CEP170: variants seen among roughly 807,000 people sequenced by gnomAD.
CEP170 encodes centrosomal protein of 170 kDa.
CEP170 carries 21 observed loss-of-function variants against 151.9 expected under a neutral mutation model. The observed-to-expected ratio is 0.14, with a 90% confidence interval of 0.10 to 0.20. CEP170 has a LOEUF of 0.20. Among genes scored for constraint, CEP170 ranks in the 10% least tolerant of loss-of-function variants. CEP170 has a pLI of 1.00. For synonymous variants in CEP170, 356 were observed against 648.8 expected (o/e 0.55, Z 6.86); for missense variants, 964 against 1,892.9 (o/e 0.51, Z 9.11).
At chr1:243,247,331 G>C (rs1340930589) in intron 1 of CEP170, among the ~76,000 whole-genome samples, 1 of 152,100 alleles carries the variant, frequency 6.6e-6, no homozygotes, top group Non-Finnish European at 1.5e-5. Context: ...GGGAAAAAAA[G>C]CTATTATCTC....
At chr1:243,130,008 G>A (rs1306703571) in intron 17 of CEP170, among the ~76,000 whole-genome samples, 1 of 152,110 alleles carries the variant, frequency 6.6e-6, no homozygotes, top group Non-Finnish European at 1.5e-5. Flanking sequence ...GCATGTATGT[G>A]TAGGAAAATA....
At chr1:243,154,605 T>G (rs2148447594) in intron 14 of CEP170, among the ~76,000 whole-genome samples, 1 of 152,364 alleles carries the variant, frequency 6.6e-6, no homozygotes, top group East Asian at 1.9e-4. Context: ...AGCATAGTGC[T>G]ACTGACAAAC....
At chr1:243,227,476 A>G (rs1022444965) in intron 1 of CEP170, among the ~76,000 whole-genome samples, 2 of 152,248 alleles carry the variant, frequency 1.3e-5, no homozygotes, top group Admixed American at 6.5e-5. Context: ...GGTATACAGC[A>G]TAAGTGCTCT....
chr1:243,230,318 A>G (rs1270683320), intron 1 of CEP170, among the ~76,000 whole-genome samples: 1 of 151,878 alleles, frequency 6.6e-6, no homozygotes, highest in East Asian at 1.9e-4. Context: ...ATGAATAAAT[A>G]AAAATAAGAT....
chr1:243,255,633 T>A (rs921930719), upstream of CEP170, among the ~76,000 whole-genome samples: 2 of 152,232 alleles, frequency 1.3e-5, no homozygotes, highest in Middle Eastern at 3.2e-3. Flanking sequence ...TCGACCGTTT[T>A]AAAAAATCTC....
At position 243,240,906 on chromosome 1, in the gene CEP170, T is replaced by C. The variant is rs374299710; in HGVS notation, c.-42+14134A>G. ...TGAGGTTTCACCATGTTGGCCAGGC[T>C]GGTCTTGAACTCTTAACCTCAGATG... On this transcript the variant is annotated intron_variant, in intron 1 of 19. Transcript: ENST00000366542. 8.5e-4 allele frequency among the ~76,000 whole-genome samples: 130 copies of C among 152,276 alleles called. 1 individual carries two copies. Among genetic ancestry groups the C allele is most frequent in the African/African-American group, 2.9e-3 (122 of 41,550 alleles).
At chr1:243,221,304 T>A (rs2062800111) in intron 3 of CEP170, among the ~76,000 whole-genome samples, 1 of 152,224 alleles carries the variant, frequency 6.6e-6, no homozygotes, top group Non-Finnish European at 1.5e-5. Flanking sequence ...ATGACAGGCG[T>A]GAGCCACCGC....
At chr1:243,251,449 C>T (rs954330217) in intron 1 of CEP170, among the ~76,000 whole-genome samples, 2 of 152,128 alleles carry the variant, frequency 1.3e-5, no homozygotes, top group Non-Finnish European at 2.9e-5. Context: ...AACGCAGAGG[C>T]AAAGTTATTC....
In CEP170 at chr1:243,149,476, T is replaced by C. The variant is rs572057489; in HGVS notation, c.3911+6745A>G. Among the ~76,000 whole-genome samples, 37 of 152,216 alleles carry C rather than the reference T, an allele frequency of 2.4e-4. No individual in the cohort carries two copies. The South Asian group carries it at 7.7e-3, about 32-fold the overall frequency. ...CTGAAGAATCACTGTCATCTGAACC[T>C]GTGGGCAGGTGGTTTATTTCCCTAC... On this transcript the variant is annotated intron_variant, in intron 14 of 19. Transcript: ENST00000366542.
intron 1 of CEP170, among the ~76,000 whole-genome samples, chr1:243,232,538 T>G (rs2063851598): frequency 6.6e-6 from 1 of 152,204 alleles, no homozygotes. Flanking sequence ...TATTAATAAT[T>G]CTATACTGTA....
intron 1 of CEP170, among the ~76,000 whole-genome samples, chr1:243,225,878 A>G (rs754598763): frequency 5.3e-5 from 8 of 151,746 alleles, no homozygotes. Flanking sequence ...TTTTCCTAGA[A>G]CAGCAATTCT....
chr1:243,202,495 A>C (rs1572245753), intron 4 of CEP170, among the ~76,000 whole-genome samples: 2 of 152,108 alleles, frequency 1.3e-5, no homozygotes, highest in Non-Finnish European at 2.9e-5. Context: ...AAGCTATTAT[A>C]AGAAAAAACC....
At chr1:243,236,549 T>TAAAACCA (rs1300548692) in intron 1 of CEP170, among the ~76,000 whole-genome samples, 1 of 152,112 alleles carries the variant, frequency 6.6e-6, no homozygotes, top group African/African-American at 2.4e-5. Context: ...AATCAGTTAT[T>TAAAACCA]AAAACCAAAA....
chr1:243,172,566 A>G (rs901557939), intron 11 of CEP170, 131 bp downstream of exon 11: 9 of 616,100 alleles, frequency 1.5e-5, no homozygotes, highest in Non-Finnish European at 2.1e-5. Context: ...CAGACGGCAG[A>G]GGCTGCAGTG....
chr1:243,127,034 C>T (rs1191476577), intron 19 of CEP170, among the ~76,000 whole-genome samples: 2 of 152,074 alleles, frequency 1.3e-5, no homozygotes, highest in African/African-American at 4.8e-5. Flanking sequence ...AATTTGTCTT[C>T]ATTATTGTGA....
At position 243,124,758 on chromosome 1, in the gene CEP170, T is replaced by C. The variant is rs1049644118; in HGVS notation, c.*1691A>G. ...CAAATGGATTGACCCTGTTTTAACA[T>C]TTCGTTTATTCCTTCAAAGCATTTG... is the stretch of plus-strand genomic sequence containing the variant. On this transcript the variant is annotated 3_prime_UTR_variant, in exon 20 of 20. Coordinates refer to ENST00000366542, the MANE Select transcript of CEP170 (RefSeq NM_014812.3). 5.9e-5 allele frequency: 9 copies of C among 152,628 alleles called. No homozygotes were observed. The highest frequency in any genetic ancestry group is 8.8e-5 in the Non-Finnish European group (6 of 68,006). 9.5% of individuals were successfully genotyped at this position (152,628 alleles called of 1,614,324 possible). A position where few individuals can be genotyped will look rare whatever the true frequency, so the allele number is the denominator to read the frequency against.
At chr1:243,159,428 T>C (rs2057855940) in intron 13 of CEP170, among the ~76,000 whole-genome samples, 1 of 152,204 alleles carries the variant, frequency 6.6e-6, no homozygotes, top group Admixed American at 6.5e-5. Context: ...AGAATTTATT[T>C]CAAAACTTTC....
chr1:243,227,728 CA>C (rs1239129997), intron 1 of CEP170, among the ~76,000 whole-genome samples: 5 of 152,132 alleles, frequency 3.3e-5, no homozygotes, highest in Non-Finnish European at 7.4e-5. Flanking sequence ...TTTGTAATGT[CA>C]GGGCAAATGT....
intron 1 of CEP170, among the ~76,000 whole-genome samples, chr1:243,249,643 C>A (rs965575217): frequency 8.5e-5 from 13 of 152,244 alleles, no homozygotes; most frequent in African/African-American, 2.9e-4. Flanking sequence ...CTACCACTGT[C>A]TCTTTACCTT....
Sources: allele counts gnomAD v4.1 joint callset (sites outside exome capture counted in the v4.1 genomes callset), GRCh38; gene constraint gnomAD v4.1.1; transcripts MANE v1.5; gene names NCBI Gene and HGNC (gene_info 2026-07-23, HGNC 2026-07-21).